TTC23: variants seen among roughly 807,000 people sequenced by gnomAD.
TTC23 encodes the protein tetratricopeptide repeat protein 23.
TTC23 carries 58 observed loss-of-function variants against 55.1 expected under a neutral mutation model. The ratio of observed to expected loss-of-function variants is 1.05; its 90% CI spans 0.85 to 1.31. The LOEUF (loss-of-function observed/expected upper bound fraction) is 1.31. Among genes scored for constraint, TTC23 ranks in the 50% most tolerant of loss-of-function variants. The pLI is 0.00. For synonymous variants in TTC23, 203 were observed against 199.9 expected, an observed-to-expected ratio of 1.02 and a Z score of -0.13; for missense variants, 516 against 534.4, an observed-to-expected ratio of 0.97 and a Z score of 0.34.
At position 99,249,204 on chromosome 15, in the gene TTC23, GC is replaced by G. The variant is rs2080519349; in HGVS notation, c.-465del. ...AATCCACTGATAATCTGGGCATGATGCTTTCAAACTTCACCCTAAAGAGAAA... is the reference window on the plus strand; with the variant it reads ...AATCCACTGATAATCTGGGCATGATGTTTCAAACTTCACCCTAAAGAGAAA... On this transcript the variant is annotated 5_prime_UTR_variant, in exon 1 of 14. Coordinates refer to ENST00000394132, the MANE Select transcript of TTC23 (RefSeq NM_001288615.3). 6.6e-6 allele frequency: 1 copy of G among 152,132 alleles called. No individual in the cohort carries two copies. The highest frequency in any genetic ancestry group is 1.5e-5 in the Non-Finnish European group (1 of 68,022). 9.4% of individuals were successfully genotyped at this position (152,132 alleles called of 1,614,324 possible).
intron 12 of TTC23, among the ~76,000 whole-genome samples, chr15:99,148,117 C>T (rs1197359499): frequency 6.6e-6 from 1 of 151,848 alleles, no homozygotes; most frequent in Non-Finnish European, 1.5e-5. Context: ...AAGCCTAGCA[C>T]TTTGGGAGGC....
chr15:99,208,107 AT>A (rs1175727118), intron 8 of TTC23, among the ~76,000 whole-genome samples: 1 of 152,196 alleles, frequency 6.6e-6, no homozygotes, highest in Non-Finnish European at 1.5e-5. Flanking sequence ...AAGTCAGACA[AT>A]TACACACCAT....
intron 11 of TTC23, chr15:99,161,003 A>T (rs1444983272): frequency 7.2e-6 from 1 of 138,284 alleles, no homozygotes; most frequent in African/African-American, 2.8e-5. Context: ...ACAGAGCAAG[A>T]CTCTGTCTCA....
At chr15:99,208,170 A>C (rs996554592) in intron 8 of TTC23, among the ~76,000 whole-genome samples, 9 of 152,188 alleles carry the variant, frequency 5.9e-5, no homozygotes, top group African/African-American at 2.2e-4. Context: ...ATTGGTAGAG[A>C]TATATCTCAA....
intron 12 of TTC23, chr15:99,139,892 G>A (rs1391389369): frequency 1.8e-6 from 1 of 547,670 alleles, no homozygotes; most frequent in Non-Finnish European, 2.8e-6. Context: ...ACCCAGGGCT[G>A]GCTTTGGCTT....
rs2067736393 is a variant in TTC23 at position 99,138,077 on chromosome 15, G to T, written c.1277C>A (p.Ala426Asp). The T allele has an allele frequency of 1.9e-6, 3 of 1,613,586 alleles. No individual in the cohort carries two copies. The highest frequency in any genetic ancestry group is 2.5e-6 in the Non-Finnish European group (3 of 1,180,026). ...GTCCTGAGGGATGCTGGTGCAGAAGGCCACTTTGGCTTTTGATGCCTGCCT... is the reference window on the plus strand; with the variant it reads ...GTCCTGAGGGATGCTGGTGCAGAAGTCCACTTTGGCTTTTGATGCCTGCCT... Reference protein sequence around the residue: ...KPRQASKAKVAFCTSIPQDTL... With the variant: ...KPRQASKAKVDFCTSIPQDTL... Residue 426 changes from alanine to aspartate, a missense_variant, in exon 14 of 14, where the codon GCC becomes GAC. Coordinates refer to ENST00000394132, the MANE Select transcript of TTC23 (RefSeq NM_001288615.3).
intron 8 of TTC23, among the ~76,000 whole-genome samples, chr15:99,202,207 C>A (rs781122026): frequency 1.3e-5 from 2 of 152,170 alleles, no homozygotes; most frequent in Non-Finnish European, 2.9e-5. Context: ...TTACATACTT[C>A]TAAAATGATT....
intron 12 of TTC23, among the ~76,000 whole-genome samples, chr15:99,147,386 C>T (rs563460167): frequency 7.2e-5 from 11 of 151,778 alleles, no homozygotes; most frequent in Admixed American, 2.0e-4. Flanking sequence ...CCACCACACC[C>T]GGCTAATTTT....
chr15:99,166,654 T>C (rs555417374), intron 10 of TTC23, among the ~76,000 whole-genome samples: 9 of 152,324 alleles, frequency 5.9e-5, no homozygotes, highest in African/African-American at 2.2e-4. Context: ...GAATCTGCCT[T>C]CTGGGGGCAG....
At chr15:99,186,116 G>C (rs1306862239) in intron 9 of TTC23, among the ~76,000 whole-genome samples, 4 of 152,214 alleles carry the variant, frequency 2.6e-5, no homozygotes, top group African/African-American at 7.2e-5. Context: ...GAAAGAGAAG[G>C]ATTGAAAAAT....
chr15:99,240,891 C>T (rs374637735), intron 3 of TTC23, among the ~76,000 whole-genome samples: 2 of 152,134 alleles, frequency 1.3e-5, no homozygotes, highest in Admixed American at 1.3e-4. Flanking sequence ...AAAAAATGTA[C>T]GTCTCTGAAT....
At chr15:99,170,523 T>C (rs1210218364) in intron 10 of TTC23, among the ~76,000 whole-genome samples, 4 of 152,190 alleles carry the variant, frequency 2.6e-5, no homozygotes, top group Non-Finnish European at 4.4e-5. Flanking sequence ...GCAGATTTGC[T>C]CCTGGGATCC....
intron 10 of TTC23, 125 bp from the exon 11 acceptor site, chr15:99,161,992 A>C: frequency 1.0e-6 from 1 of 986,084 alleles, no homozygotes. Context: ...AAAAACAGTT[A>C]AGACTGTCCT....
intron 9 of TTC23, among the ~76,000 whole-genome samples, chr15:99,186,764 A>G (rs541811199): frequency 6.6e-6 from 1 of 152,264 alleles, no homozygotes; most frequent in South Asian, 2.1e-4. Context: ...TAAAGATTAT[A>G]CTCTAAAAAC....
At chr15:99,183,322 T>A in intron 9 of TTC23, among the ~76,000 whole-genome samples, 1 of 148,740 alleles carries the variant, frequency 6.7e-6, no homozygotes. Context: ...ATTTCTTTCT[T>A]TTCTTTTTTT....
At chr15:99,209,885 C>T (rs1456537947) in intron 8 of TTC23, among the ~76,000 whole-genome samples, 1 of 152,074 alleles carries the variant, frequency 6.6e-6, no homozygotes, top group Non-Finnish European at 1.5e-5. Flanking sequence ...CAGGTGTATG[C>T]TACAACGCCT....
chr15:99,169,827 TAGTC>T (rs1389937649), intron 10 of TTC23, among the ~76,000 whole-genome samples: 8 of 152,154 alleles, frequency 5.3e-5, no homozygotes, highest in African/African-American at 1.7e-4. Context: ...GGAATCCACT[TAGTC>T]AGCCCCTGCT....
At chr15:99,197,313 A>G (rs1032553046) in intron 9 of TTC23, among the ~76,000 whole-genome samples, 9 of 152,034 alleles carry the variant, frequency 5.9e-5, no homozygotes, top group South Asian at 2.1e-4. Flanking sequence ...CATGTTAGCC[A>G]GGATGGTCTT....
At position 99,156,019 on chromosome 15, in the gene TTC23, G is replaced by A. The variant is rs2070495527; in HGVS notation, c.1143+129C>T. ...GTATCAGGTTAGATCTACCACAAAA[G>A]TGATGTCATCCTATCTAAACAAGCC... On this transcript the variant is annotated intron_variant, in intron 12 of 13. Coordinates refer to ENST00000394132, the MANE Select transcript of TTC23 (RefSeq NM_001288615.3). The A allele has an allele frequency of 3.9e-6, 5 of 1,268,456 alleles. No homozygotes were observed. The East Asian group carries it at 1.2e-4, about 30-fold the overall frequency. The allele number at this position is 1,268,456 out of a possible 1,614,324, so 78.6% of individuals were successfully genotyped here.
Sources: allele counts gnomAD v4.1 joint callset (sites outside exome capture counted in the v4.1 genomes callset), GRCh38; gene constraint gnomAD v4.1.1; transcripts MANE v1.5; gene names NCBI Gene and HGNC (gene_info 2026-07-23, HGNC 2026-07-21).